RAB27A: variants seen among roughly 807,000 people sequenced by gnomAD.
The protein encoded by RAB27A is RAB27A, member RAS oncogene family.
RAB27A carries 17 observed loss-of-function variants against 20.8 expected under a neutral mutation model. The observed-to-expected ratio is 0.82, with a 90% confidence interval of 0.56 to 1.23. The LOEUF (loss-of-function observed/expected upper bound fraction) is 1.23, where lower values mean the gene tolerates loss of function less well. Ranked by LOEUF, RAB27A falls within the 50% of genes most tolerant of loss-of-function variation. The pLI, the probability that RAB27A is intolerant of heterozygous loss-of-function variation, is 0.00. For synonymous variants in RAB27A, 85 were observed against 92.8 expected, an observed-to-expected ratio of 0.92 and a Z score of 0.48; for missense variants, 277 against 266.7, an observed-to-expected ratio of 1.04 and a Z score of -0.27.
intron 6 of RAB27A, among the ~76,000 whole-genome samples, chr15:55,208,095 G>C (rs981982396): frequency 2.6e-5 from 4 of 152,144 alleles, no homozygotes; most frequent in African/African-American, 9.7e-5. Flanking sequence ...AGAACTATTT[G>C]TAATAGGGAA....
chr15:55,261,806 G>A (rs925100300), intron 2 of RAB27A, among the ~76,000 whole-genome samples: 12 of 148,590 alleles, frequency 8.1e-5, no homozygotes, highest in Admixed American at 4.7e-4. Flanking sequence ...TTGGAAGGCC[G>A]AGGTGGGTGG....
At chr15:55,317,964 A>T in intron 1 of RAB27A, 1 of 334,434 alleles carries the variant, frequency 3.0e-6, no homozygotes, top group Non-Finnish European at 5.4e-6. Context: ...CAATATTTTT[A>T]TAATATGTTA....
chr15:55,293,194 TAATA>T (rs1232448605), upstream of RAB27A, among the ~76,000 whole-genome samples: 2 of 152,146 alleles, frequency 1.3e-5, no homozygotes, highest in African/African-American at 4.8e-5. Flanking sequence ...TCATGGATTT[TAATA>T]AATAAATATA....
At chr15:55,212,753 T>C (rs1402938716) in intron 6 of RAB27A, among the ~76,000 whole-genome samples, 1 of 152,112 alleles carries the variant, frequency 6.6e-6, no homozygotes, top group Non-Finnish European at 1.5e-5. Flanking sequence ...ATGGTCTCGA[T>C]CTCCTGACCT....
At chr15:55,277,116 CA>C (rs1897895608) in intron 1 of RAB27A, among the ~76,000 whole-genome samples, 1 of 152,050 alleles carries the variant, frequency 6.6e-6, no homozygotes, top group African/African-American at 2.4e-5. Context: ...ATACTTGTGG[CA>C]GGGGTGGATG....
intron 2 of RAB27A, among the ~76,000 whole-genome samples, chr15:55,302,982 TG>T (rs376983317): frequency 0.3 from 36,846 of 121,874 alleles, 7,968 homozygotes; most frequent in African/African-American, 0.61. Context: ...AAGAGGGAGG[TG>T]GGGGGGGGTC....
At chr15:55,242,406 C>T (rs1410142723) in intron 2 of RAB27A, among the ~76,000 whole-genome samples, 1 of 152,012 alleles carries the variant, frequency 6.6e-6, no homozygotes, top group African/African-American at 2.4e-5. Context: ...TTATACTAAG[C>T]CTTATTCTTT....
intron 2 of RAB27A, among the ~76,000 whole-genome samples, chr15:55,308,201 T>C (rs550330761): frequency 6.6e-6 from 1 of 152,266 alleles, no homozygotes; most frequent in South Asian, 2.1e-4. Context: ...TCCTTTCCTT[T>C]CTGATGACCC....
At chr15:55,246,612 GAA>G (rs570539603) in intron 2 of RAB27A, among the ~76,000 whole-genome samples, 1 of 137,922 alleles carries the variant, frequency 7.3e-6, no homozygotes. Context: ...TAGGGTAATA[GAA>G]AAAAAAAAAG....
intron 2 of RAB27A, among the ~76,000 whole-genome samples, chr15:55,263,026 G>A (rs1315160576): frequency 6.6e-6 from 1 of 152,100 alleles, no homozygotes; most frequent in East Asian, 1.9e-4. Context: ...ATGTATCAAG[G>A]AGACTGCTAC....
At chr15:55,241,600 T>TTTTATATA (rs1388634936) in intron 2 of RAB27A, among the ~76,000 whole-genome samples, 3 of 123,898 alleles carry the variant, frequency 2.4e-5, no homozygotes, top group African/African-American at 1.3e-4. Context: ...CAAGACCTAT[T>TTTTATATA]TATATATATA....
chr15:55,225,920 C>A (rs1025477622), intron 5 of RAB27A, among the ~76,000 whole-genome samples: 2 of 152,088 alleles, frequency 1.3e-5, no homozygotes, highest in African/African-American at 4.8e-5. Flanking sequence ...AAGTTTATTA[C>A]AGAGAATCTC....
At chr15:55,260,255 A>G (rs112687855) in intron 2 of RAB27A, among the ~76,000 whole-genome samples, 4,705 of 152,314 alleles carry the variant, frequency 0.031, 86 homozygotes, top group Non-Finnish European at 0.043. Context: ...TACACCTATC[A>G]GAATGACCAA....
At chr15:55,215,102 A>C (rs1248476612) in intron 6 of RAB27A, among the ~76,000 whole-genome samples, 1 of 152,192 alleles carries the variant, frequency 6.6e-6, no homozygotes, top group Non-Finnish European at 1.5e-5. Flanking sequence ...CTTAAAAAGT[A>C]GTTGAACAGT....
At chr15:55,243,580 T>C (rs1305260432) in intron 2 of RAB27A, among the ~76,000 whole-genome samples, 1 of 150,386 alleles carries the variant, frequency 6.6e-6, no homozygotes, top group East Asian at 2.0e-4. Context: ...AACATCGAGA[T>C]CACACCACTG....
chr15:55,278,482 A>ATT (rs11290945), intron 1 of RAB27A, among the ~76,000 whole-genome samples: 10 of 137,492 alleles, frequency 7.3e-5, no homozygotes, highest in East Asian at 2.1e-4. Flanking sequence ...AATCATTATT[A>ATT]TTTTTTTTTT....
At chr15:55,317,813 A>G in intron 1 of RAB27A, 1 of 397,734 alleles carries the variant, frequency 2.5e-6, no homozygotes, top group Non-Finnish European at 4.4e-6. Flanking sequence ...AATACAGCTC[A>G]AGGAAAAGCT....
intron 2 of RAB27A, among the ~76,000 whole-genome samples, chr15:55,267,972 C>G (rs1046244153): frequency 2.0e-5 from 3 of 152,118 alleles, no homozygotes; most frequent in African/African-American, 7.2e-5. Flanking sequence ...TGTTTGTATT[C>G]TTATGGCTGC....
At chr15:55,272,345 G>A (rs1897734761) in intron 1 of RAB27A, among the ~76,000 whole-genome samples, 1 of 152,128 alleles carries the variant, frequency 6.6e-6, no homozygotes, top group African/African-American at 2.4e-5. Flanking sequence ...CTTGCAGTGG[G>A]CCGAGATCGC....
Sources: allele counts gnomAD v4.1 joint callset (sites outside exome capture counted in the v4.1 genomes callset), GRCh38; gene constraint gnomAD v4.1.1; transcripts MANE v1.5; gene names NCBI Gene and HGNC (gene_info 2026-07-23, HGNC 2026-07-21).